Variants in STK4 observed in about 807,000 individuals in gnomAD.
The protein encoded by STK4 is serine/threonine-protein kinase 4.
STK4 carries 30 observed loss-of-function variants against 64.9 expected under a neutral mutation model. The observed-to-expected ratio is 0.46, with a 90% confidence interval of 0.35 to 0.63. The LOEUF (loss-of-function observed/expected upper bound fraction) is 0.63. STK4 is among the 20% of genes least tolerant of loss of function. The probability of loss-of-function intolerance (pLI) is 0.01; values close to 1 mark genes in which losing one functional copy is unlikely to be tolerated. For missense variants in STK4, 466 were observed against 598.5 expected (o/e 0.78, Z 2.31); for synonymous variants, 177 against 199.0 (o/e 0.89, Z 0.93).
chr20:45,006,752 C>T (rs1017565807), intron 9 of STK4, among the ~76,000 whole-genome samples: 6 of 152,110 alleles, frequency 3.9e-5, no homozygotes, highest in African/African-American at 1.4e-4. Flanking sequence ...TTGATTTTTT[C>T]CACCTCTTAC....
intron 1 of STK4, 80 bp from the exon 2 acceptor site, chr20:44,971,998 A>T (rs954093563): frequency 7.2e-7 from 1 of 1,383,518 alleles, no homozygotes; most frequent in Admixed American, 1.9e-5. Flanking sequence ...TGAGATGCTA[A>T]TTATAAAAAA....
At chr20:45,032,650 T>C (rs891983585) in intron 10 of STK4, among the ~76,000 whole-genome samples, 7 of 152,216 alleles carry the variant, frequency 4.6e-5, no homozygotes, top group African/African-American at 1.7e-4. Flanking sequence ...ATGTACCACA[T>C]TTTCTTTATC....
At position 45,061,039 on chromosome 20, in the gene STK4, G is replaced by A. The variant is rs550364142; in HGVS notation, c.1306-13979G>A. Among the ~76,000 whole-genome samples the A allele has an allele frequency of 1.4e-3, 210 of 152,262 alleles. 1 individual carries two copies. The South Asian group carries it at 0.017, about 12-fold the overall frequency. Reference sequence around the variant, plus strand: ...GGAAAGTTTCTGATGGGTTCTTGCTGTGGAGAATCAAGGTCAAAATGATAG... The same window carrying A: ...GGAAAGTTTCTGATGGGTTCTTGCTATGGAGAATCAAGGTCAAAATGATAG... On this transcript the variant is annotated intron_variant, in intron 10 of 10. Transcript: ENST00000372806.
In STK4 at chr20:45,018,449, A is replaced by G. The variant is rs76406273; in HGVS notation, c.1148-6524A>G. Among the ~76,000 whole-genome samples, 437 of 152,308 alleles carry G rather than the reference A, an allele frequency of 2.9e-3. 13 individuals are homozygous for G. In the East Asian group the frequency reaches 0.069, roughly 24 times the overall value. ...TAAGGTCTAGTAGATGGTCATTCCA[A>G]TGGAACAGTGGGCTTCAGTCTTTGG... On this transcript the variant is annotated intron_variant, in intron 9 of 10. Coordinates refer to ENST00000372806, the MANE Select transcript of STK4 (RefSeq NM_006282.5).
chr20:45,027,425 C>A (rs1251926752), intron 10 of STK4, among the ~76,000 whole-genome samples: 6 of 129,176 alleles, frequency 4.6e-5, no homozygotes, highest in Non-Finnish European at 6.5e-5. Flanking sequence ...AGTGAAACTC[C>A]GTCTCAAAAA....
chr20:45,013,395 A>T (rs566275078), intron 9 of STK4, among the ~76,000 whole-genome samples: 2 of 152,128 alleles, frequency 1.3e-5, no homozygotes, highest in Non-Finnish European at 2.9e-5. Flanking sequence ...TCAACATTGT[A>T]ACTTTTTCTC....
intron 10 of STK4, among the ~76,000 whole-genome samples, chr20:45,032,633 T>C (rs936057040): frequency 9.2e-5 from 14 of 152,214 alleles, no homozygotes; most frequent in African/African-American, 3.4e-4. Context: ...TAGTATACCA[T>C]GTCAACATGT....
chr20:45,064,360 C>G (rs965611467), intron 10 of STK4, among the ~76,000 whole-genome samples: 1 of 151,848 alleles, frequency 6.6e-6, no homozygotes, highest in Non-Finnish European at 1.5e-5. Context: ...GTTAAACCAA[C>G]TTCAAACCTG....
At chr20:45,026,306 G>A (rs1016588245) in intron 10 of STK4, among the ~76,000 whole-genome samples, 3 of 132,046 alleles carry the variant, frequency 2.3e-5, no homozygotes, top group African/African-American at 8.9e-5. Flanking sequence ...AGGGAGGTTA[G>A]GAGACAGAAA....
chr20:44,994,356 G>T (rs1479252560), intron 5 of STK4, among the ~76,000 whole-genome samples: 5 of 150,072 alleles, frequency 3.3e-5, no homozygotes, highest in African/African-American at 1.2e-4. Context: ...TTTTATTATT[G>T]TTATGATCAT....
intron 10 of STK4, among the ~76,000 whole-genome samples, chr20:45,050,459 G>T (rs2068760482): frequency 6.6e-6 from 1 of 152,114 alleles, no homozygotes; most frequent in African/African-American, 2.4e-5. Context: ...TAACATCTTT[G>T]CATGGTACGC....
chr20:44,966,734 A>G, intron 1 of STK4, 131 bp downstream of exon 1: 2 of 1,044,268 alleles, frequency 1.9e-6, no homozygotes, highest in South Asian at 4.7e-5. Context: ...CTGCTGAGTG[A>G]GGGGGGGGAC....
chr20:44,996,703 T>A (rs954994458), intron 6 of STK4, among the ~76,000 whole-genome samples: 1 of 152,148 alleles, frequency 6.6e-6, no homozygotes, highest in Non-Finnish European at 1.5e-5. Context: ...TTAGCTTACT[T>A]TGGAAGTTAA....
At chr20:45,032,889 G>A (rs1300811122) in intron 10 of STK4, among the ~76,000 whole-genome samples, 7 of 152,092 alleles carry the variant, frequency 4.6e-5, no homozygotes, top group Admixed American at 4.6e-4. Flanking sequence ...ATTCCCACCA[G>A]CAGTGTATAA....
At chr20:45,022,058 T>C (rs561849991) in intron 9 of STK4, among the ~76,000 whole-genome samples, 1 of 116,646 alleles carries the variant, frequency 8.6e-6, no homozygotes, top group South Asian at 2.6e-4. Context: ...TTACTTTCCA[T>C]TTTTTTTTAT....
Position 45,000,498 on chromosome 20 carries a change from A to G in STK4, c.938A>G (p.Asp313Gly), listed in dbSNP as rs758674718. 6.2e-7 allele frequency: 1 copy of G among 1,613,896 alleles called. No individual in the cohort carries two copies. Among genetic ancestry groups the G allele is most frequent in the African/African-American group, 1.3e-5 (1 of 74,926 alleles). ...KRQESQQREV[D>G]QDDEENSEED... ...CAGGAATCCCAGCAGCGGGAAGTGG[A>G]CCAGGACGATGAAGAAAACTCAGTG... Residue 313 changes from aspartate to glycine, a missense_variant, in exon 8 of 11, where the codon GAC becomes GGC. By Grantham distance (94) the Asp-to-Gly change is moderately conservative (BLOSUM62 -1). This residue lies in a region of STK4 where 276 missense variants were observed against 308.9 expected (regional missense o/e 0.89). Transcript: ENST00000372806.
intron 10 of STK4, among the ~76,000 whole-genome samples, chr20:45,026,318 A>AGT (rs113148879): frequency 0.062 from 9,090 of 145,686 alleles, 351 homozygotes; most frequent in Admixed American, 0.12. Context: ...AGACAGAAAG[A>AGT]GTGTGTGTGT....
chr20:45,052,974 C>T, intron 10 of STK4: 1 of 765,932 alleles, frequency 1.3e-6, no homozygotes, highest in Non-Finnish European at 2.1e-6. Context: ...ACAGGGTACA[C>T]TATTTTTGTT....
intron 10 of STK4, among the ~76,000 whole-genome samples, chr20:45,047,156 T>C (rs1452520130): frequency 6.6e-6 from 1 of 152,192 alleles, no homozygotes; most frequent in African/African-American, 2.4e-5. Context: ...ATTGAATGCT[T>C]GTTGTGTGTT....
Sources: gnomAD v4.1 joint callset for allele counts (sites outside exome capture counted in the v4.1 genomes callset) on GRCh38, gnomAD v4.1.1 for gene constraint, gnomAD v4.1.1 regional missense constraint, MANE v1.5 for transcripts, NCBI Gene and HGNC (gene_info 2026-07-23, HGNC 2026-07-21) for gene names.